Variants in DNM3 observed in about 807,000 individuals in gnomAD.
DNM3 encodes dynamin 3, also known as dynamin-3.
A neutral mutation model predicts 101.6 loss-of-function variants in DNM3; 47 were observed. The ratio of observed to expected loss-of-function variants is 0.46; its 90% CI spans 0.37 to 0.59. The LOEUF (loss-of-function observed/expected upper bound fraction) is 0.59, where lower values mean the gene tolerates loss of function less well. Among genes scored for constraint, DNM3 ranks in the 20% least tolerant of loss-of-function variants. The probability of loss-of-function intolerance (pLI) is 0.00; values close to 1 mark genes in which losing one functional copy is unlikely to be tolerated. For missense variants in DNM3, 849 were observed against 1,085.7 expected (o/e 0.78, Z 3.06); for synonymous variants, 385 against 387.9 (o/e 0.99, Z 0.09).
intron 1 of DNM3, among the ~76,000 whole-genome samples, chr1:171,890,580 T>C (rs2037179095): frequency 1.3e-5 from 2 of 152,220 alleles, no homozygotes; most frequent in African/African-American, 2.4e-5. Context: ...TGAATTAACT[T>C]ATAACCAACT....
At chr1:172,245,862 C>T (rs534750736) in intron 14 of DNM3, among the ~76,000 whole-genome samples, 2 of 152,238 alleles carry the variant, frequency 1.3e-5, no homozygotes, top group African/African-American at 4.8e-5. Flanking sequence ...TGTATTAGTC[C>T]ATTCTCACAC....
chr1:172,109,039 A>T (rs1275735012), intron 13 of DNM3, among the ~76,000 whole-genome samples: 1 of 152,138 alleles, frequency 6.6e-6, no homozygotes, highest in Admixed American at 6.5e-5. Flanking sequence ...TATAATATGA[A>T]TTCTTTATGG....
intron 2 of DNM3, among the ~76,000 whole-genome samples, chr1:171,923,305 A>G (rs1421954924): frequency 2.0e-5 from 3 of 152,184 alleles, no homozygotes; most frequent in African/African-American, 7.2e-5. Context: ...GATCATTTGT[A>G]TATATTATTT....
chr1:172,304,519 T>C (rs2064680313), intron 15 of DNM3, among the ~76,000 whole-genome samples: 1 of 152,136 alleles, frequency 6.6e-6, no homozygotes, highest in Non-Finnish European at 1.5e-5. Flanking sequence ...AACTCAGCTC[T>C]GCACCAAGAA....
At chr1:172,008,583 A>AT (rs59449917) in intron 4 of DNM3, among the ~76,000 whole-genome samples, 66,003 of 141,608 alleles carry the variant, frequency 0.47, 15,621 homozygotes, top group African/African-American at 0.57. Context: ...TAGGTCTGCA[A>AT]TTTTTTTTTT....
At chr1:172,005,659 A>T (rs1455589382) in intron 4 of DNM3, among the ~76,000 whole-genome samples, 1 of 152,100 alleles carries the variant, frequency 6.6e-6, no homozygotes, top group Non-Finnish European at 1.5e-5. Context: ...GTTGTTTTTT[A>T]AAAAGCCAAT....
chr1:172,385,561 T>A (rs1376429979), intron 18 of DNM3, among the ~76,000 whole-genome samples: 1 of 152,244 alleles, frequency 6.6e-6, no homozygotes, highest in Non-Finnish European at 1.5e-5. Flanking sequence ...AGAAAACACT[T>A]TATTTCACCA....
At chr1:171,954,623 G>A (rs1374870347) in intron 2 of DNM3, among the ~76,000 whole-genome samples, 2 of 152,142 alleles carry the variant, frequency 1.3e-5, no homozygotes, top group Admixed American at 1.3e-4. Context: ...GTGGGCAGCG[G>A]CGTTTTACAT....
chr1:172,228,063 G>A (rs1005146780), intron 14 of DNM3, among the ~76,000 whole-genome samples: 7 of 151,742 alleles, frequency 4.6e-5, no homozygotes, highest in Non-Finnish European at 8.8e-5. Flanking sequence ...GAGTATTATG[G>A]CTATTAACTT....
chr1:172,013,698 A>G (rs1221525608), intron 4 of DNM3, among the ~76,000 whole-genome samples: 1 of 151,978 alleles, frequency 6.6e-6, no homozygotes, highest in African/African-American at 2.4e-5. Context: ...GGAGTTGACC[A>G]AAAAAATAAA....
At chr1:172,224,426 T>G (rs1176119710) in intron 14 of DNM3, among the ~76,000 whole-genome samples, 7 of 152,182 alleles carry the variant, frequency 4.6e-5, no homozygotes, top group African/African-American at 1.7e-4. Context: ...CTATTTGTTT[T>G]ATTTCAAAGT....
At chr1:172,054,043 T>C (rs2050395037) in intron 10 of DNM3, among the ~76,000 whole-genome samples, 1 of 152,190 alleles carries the variant, frequency 6.6e-6, no homozygotes, top group Admixed American at 6.5e-5. Context: ...CCTCAGGCAA[T>C]GTGAAAATAA....
At chr1:172,149,907 T>G (rs190015549) in intron 14 of DNM3, among the ~76,000 whole-genome samples, 1 of 152,096 alleles carries the variant, frequency 6.6e-6, no homozygotes, top group Non-Finnish European at 1.5e-5. Flanking sequence ...GAAGCATGTG[T>G]GTGAAGGGAA....
Position 171,886,543 on chromosome 1 carries a change from T to C in DNM3, c.162-35205T>C, listed in dbSNP as rs374442618. Among the ~76,000 whole-genome samples, 6 of 152,300 alleles carry C rather than the reference T, an allele frequency of 3.9e-5. No homozygotes were observed. In the East Asian group the frequency reaches 1.2e-3, roughly 29 times the overall value. On this transcript the variant is annotated intron_variant, in intron 1 of 20. Transcript: ENST00000627582. ...CCCACTTCCCCAACCCATTTTTTTTTTAAAGAATCTATGGCCAATCACTGC... is the reference window on the plus strand; with the variant it reads ...CCCACTTCCCCAACCCATTTTTTTTCTAAAGAATCTATGGCCAATCACTGC...
intron 2 of DNM3, among the ~76,000 whole-genome samples, chr1:171,956,660 G>A (rs1163531818): frequency 6.6e-6 from 1 of 152,210 alleles, no homozygotes; most frequent in African/African-American, 2.4e-5. Context: ...CAGTGCCCCA[G>A]TAAGGGACTC....
At chr1:171,984,813 A>T (rs1334528203) in intron 2 of DNM3, among the ~76,000 whole-genome samples, 1 of 152,232 alleles carries the variant, frequency 6.6e-6, no homozygotes, top group Non-Finnish European at 1.5e-5. Flanking sequence ...AAATAAATGA[A>T]TACAGGAATC....
At chr1:172,173,934 G>A (rs1194253295) in intron 14 of DNM3, among the ~76,000 whole-genome samples, 3 of 151,554 alleles carry the variant, frequency 2.0e-5, no homozygotes, top group African/African-American at 7.3e-5. Flanking sequence ...GTATTTAAAA[G>A]CCAAATACCT....
At chr1:172,400,754 G>C (rs1426128828) in intron 20 of DNM3, among the ~76,000 whole-genome samples, 30 of 152,064 alleles carry the variant, frequency 2.0e-4, no homozygotes, top group Non-Finnish European at 1.5e-5. Context: ...ATTAGGACTT[G>C]GGACAAAACA....
chr1:172,372,914 G>A (rs1247595872), intron 17 of DNM3, among the ~76,000 whole-genome samples: 3 of 151,622 alleles, frequency 2.0e-5, no homozygotes, highest in African/African-American at 7.3e-5. Flanking sequence ...AAATTCATGA[G>A]CTCAAGTGAT....
Sources: allele counts gnomAD v4.1 joint callset (sites outside exome capture counted in the v4.1 genomes callset), GRCh38; gene constraint gnomAD v4.1.1; transcripts MANE v1.5; gene names NCBI Gene and HGNC (gene_info 2026-07-23, HGNC 2026-07-21).